The following BCAR3 variants were observed in gnomAD, a reference collection of about 807,000 sequenced individuals.
BCAR3 encodes the protein breast cancer anti-estrogen resistance protein 3.
BCAR3 carries 37 observed loss-of-function variants against 80.1 expected under a neutral mutation model. The observed-to-expected ratio is 0.46, with a 90% CI of 0.36 to 0.61. The LOEUF is 0.61. Ranked by LOEUF, BCAR3 falls within the 20% of genes least tolerant of loss-of-function variation. BCAR3 has a pLI of 0.00. For missense variants in BCAR3, 978 were observed against 1,068.2 expected, an observed-to-expected ratio of 0.92 and a Z score of 1.18; for synonymous variants, 389 against 418.9, an observed-to-expected ratio of 0.93 and a Z score of 0.87.
At chr1:93,826,448 G>A (rs778205731) in intron 2 of BCAR3, among the ~76,000 whole-genome samples, 5 of 152,014 alleles carry the variant, frequency 3.3e-5, no homozygotes, top group African/African-American at 4.8e-5. Flanking sequence ...ACCAGTCTTC[G>A]CTCCCATTCC....
Position 93,586,020 on chromosome 1 carries a change from T to C in BCAR3, c.930-1899A>G, listed in dbSNP as rs181978851. ...AATAAGTGTATCATGGAGAATGGGG[T>C]ATCCATGCCCTCTAGCATTTATCCT... On this transcript the variant is annotated intron_variant, in intron 5 of 11. Transcript: ENST00000260502. The surrounding 1 kb of genome is among the most constrained non-coding windows in gnomAD (Gnocchi z 4.2). Among the ~76,000 whole-genome samples, 1 of 152,328 alleles carries C rather than the reference T, an allele frequency of 6.6e-6. No homozygotes were observed. Among genetic ancestry groups the C allele is most frequent in the Admixed American group, 6.5e-5 (1 of 15,304 alleles).
At chr1:93,626,059 C>T (rs17110179) in intron 3 of BCAR3, among the ~76,000 whole-genome samples, 23,497 of 152,130 alleles carry the variant, frequency 0.15, 2,005 homozygotes, top group African/African-American at 0.24. Flanking sequence ...TCTGGCCTAG[C>T]ACTTTATAGT....
rs183042482 is a variant in BCAR3 at position 93,738,468 on chromosome 1, T to C, written c.-62-32326A>G. ...ATGGAGCTAAGCTTGTGCTCCGCCC[T>C]CCCCCGCCATGGGTCTCAGTGCCAA... On this transcript the variant is annotated intron_variant, in intron 2 of 13. Transcript: ENST00000370244. Among the ~76,000 whole-genome samples, 36 of 152,266 alleles carry C rather than the reference T, an allele frequency of 2.4e-4. No homozygotes were observed. The East Asian group carries it at 6.8e-3, about 29-fold the overall frequency.
chr1:93,759,006 C>G (rs1185254444), intron 2 of BCAR3, among the ~76,000 whole-genome samples: 1 of 152,152 alleles, frequency 6.6e-6, no homozygotes, highest in African/African-American at 2.4e-5. Context: ...CTCTTAGCAC[C>G]CTGTTATCCC....
At chr1:93,826,103 G>A (rs1654363953) in intron 2 of BCAR3, among the ~76,000 whole-genome samples, 1 of 152,164 alleles carries the variant, frequency 6.6e-6, no homozygotes, top group South Asian at 2.1e-4. Flanking sequence ...GAAGAATTCT[G>A]TTCTTTAGAG....
At chr1:93,771,117 T>C (rs1271586935) in intron 2 of BCAR3, among the ~76,000 whole-genome samples, 2 of 152,258 alleles carry the variant, frequency 1.3e-5, no homozygotes, top group African/African-American at 2.4e-5. Flanking sequence ...GTTCTCATTT[T>C]ATCCTTATAA....
chr1:93,809,006 G>A (rs1653740909), intron 2 of BCAR3, among the ~76,000 whole-genome samples: 1 of 152,140 alleles, frequency 6.6e-6, no homozygotes, highest in South Asian at 2.1e-4. Flanking sequence ...AAGCGTAAAA[G>A]TATGTAACAG....
chr1:93,826,605 T>G (rs6662311), intron 2 of BCAR3, among the ~76,000 whole-genome samples: 47,958 of 152,114 alleles, frequency 0.32, 10,924 homozygotes, highest in African/African-American at 0.65. Flanking sequence ...GTAGTTTACA[T>G]TCCAGTGAGG....
At chr1:93,758,002 G>T (rs1651804080) in intron 2 of BCAR3, among the ~76,000 whole-genome samples, 1 of 152,214 alleles carries the variant, frequency 6.6e-6, no homozygotes, top group Non-Finnish European at 1.5e-5. Flanking sequence ...TGGCCCTTCA[G>T]AGATATCTTG....
At chr1:93,767,523 CA>C (rs58484557) in intron 2 of BCAR3, among the ~76,000 whole-genome samples, 17,347 of 93,888 alleles carry the variant, frequency 0.18, 1,340 homozygotes, top group African/African-American at 0.31. Flanking sequence ...GACTCTGTCT[CA>C]AAAAAAAAAA....
intron 2 of BCAR3, among the ~76,000 whole-genome samples, chr1:93,756,212 T>A (rs1385284728): frequency 6.6e-6 from 1 of 152,188 alleles, no homozygotes; most frequent in African/African-American, 2.4e-5. Flanking sequence ...TTGTTTTCTT[T>A]CCCCCTTGTG....
intron 2 of BCAR3, among the ~76,000 whole-genome samples, chr1:93,757,018 C>A (rs571286344): frequency 6.6e-6 from 1 of 152,230 alleles, no homozygotes; most frequent in South Asian, 2.1e-4. Flanking sequence ...GTGGGGAGGA[C>A]CTGCAGGCAT....
At chr1:93,772,213 T>A (rs1652381408) in intron 2 of BCAR3, among the ~76,000 whole-genome samples, 1 of 152,204 alleles carries the variant, frequency 6.6e-6, no homozygotes, top group Non-Finnish European at 1.5e-5. Context: ...TGAAGGCTTT[T>A]AAGCAGGAGA....
intron 3 of BCAR3, among the ~76,000 whole-genome samples, chr1:93,630,104 G>GT (rs1310776904): frequency 6.6e-6 from 1 of 152,138 alleles, no homozygotes; most frequent in Non-Finnish European, 1.5e-5. Flanking sequence ...TGGATTGTTT[G>GT]TAACTCAAAG....
chr1:93,673,624 C>G (rs373603970), intron 2 of BCAR3, among the ~76,000 whole-genome samples: 2 of 152,362 alleles, frequency 1.3e-5, no homozygotes, highest in South Asian at 4.1e-4. Context: ...AGTTTCCAAA[C>G]TAGCTCTAAC....
At position 93,804,763 on chromosome 1, in the gene BCAR3, A is replaced by T. The variant is rs1653606327; in HGVS notation, c.-63+40804T>A. Among the ~76,000 whole-genome samples the T allele has an allele frequency of 2.6e-5, 4 of 152,240 alleles. No individual in the cohort carries two copies. In the South Asian group the frequency reaches 8.3e-4, roughly 32 times the overall value. ...GCAGAAAGTGAAACAGTGGATAAGG[A>T]GGAACCACTGTGTAACAATTTGTTT... On this transcript the variant is annotated intron_variant, in intron 2 of 13. Coordinates refer to the BCAR3 transcript ENST00000370244.
At chr1:93,811,511 AGTTTT>A (rs1330188637) in intron 2 of BCAR3, among the ~76,000 whole-genome samples, 1 of 152,224 alleles carries the variant, frequency 6.6e-6, no homozygotes, top group Non-Finnish European at 1.5e-5. Flanking sequence ...CTTTCCTCTT[AGTTTT>A]AAGACTCTTC....
chr1:93,566,318 T>C (rs138236417), intron 11 of BCAR3, among the ~76,000 whole-genome samples: 3 of 152,252 alleles, frequency 2.0e-5, no homozygotes, highest in African/African-American at 4.8e-5. Context: ...ATGCAGTGTT[T>C]TCTGGGAAGC....
At chr1:93,745,132 T>C (rs1340085371) in intron 2 of BCAR3, among the ~76,000 whole-genome samples, 2 of 152,208 alleles carry the variant, frequency 1.3e-5, no homozygotes, top group African/African-American at 4.8e-5. Context: ...GAGTCAGTGA[T>C]GGAAAGTCTC....
Sources: gnomAD v4.1 joint callset for allele counts (sites outside exome capture counted in the v4.1 genomes callset) on GRCh38, gnomAD v4.1.1 for gene constraint, Gnocchi (gnomAD v3.1) non-coding constraint, MANE v1.5 for transcripts, NCBI Gene and HGNC (gene_info 2026-07-23, HGNC 2026-07-21) for gene names.